The following CDK1 variants were observed in gnomAD, a reference collection of about 807,000 sequenced individuals.
CDK1 encodes the protein cyclin-dependent kinase 1.
CDK1 carries 5 observed loss-of-function variants against 34.6 expected under a neutral mutation model. The observed-to-expected ratio is 0.14, with a 90% CI of 0.08 to 0.30. CDK1 has a LOEUF of 0.30. CDK1 is among the 10% of genes least tolerant of loss of function. The pLI, the probability that CDK1 is intolerant of heterozygous loss-of-function variation, is 1.00. For missense variants in CDK1, 157 were observed against 345.7 expected (o/e 0.45, Z 4.33); for synonymous variants, 108 against 114.7 (o/e 0.94, Z 0.37).
intron 7 of CDK1, among the ~76,000 whole-genome samples, chr10:60,793,226 G>T (rs1259168818): frequency 1.3e-5 from 2 of 152,098 alleles, no homozygotes; most frequent in African/African-American, 2.4e-5. Flanking sequence ...AAAGCAGTTT[G>T]TATGGTGCTG....
At chr10:60,785,189 T>TA (rs1564668105) in intron 3 of CDK1, among the ~76,000 whole-genome samples, 4 of 152,162 alleles carry the variant, frequency 2.6e-5, no homozygotes, top group Non-Finnish European at 5.9e-5. Flanking sequence ...ACCCTTTAGT[T>TA]AGAGTCTTAA....
chr10:60,793,637 A>G (rs2080376768), intron 7 of CDK1, among the ~76,000 whole-genome samples: 2 of 152,190 alleles, frequency 1.3e-5, no homozygotes, highest in South Asian at 4.1e-4. Context: ...ACCGTAATTG[A>G]TAACAAAAAG....
At chr10:60,782,125 C>T (rs1254178781) in intron 2 of CDK1, among the ~76,000 whole-genome samples, 1 of 152,172 alleles carries the variant, frequency 6.6e-6, no homozygotes, top group Non-Finnish European at 1.5e-5. Context: ...TAAAATACTA[C>T]TTTAAAAGTT....
intron 5 of CDK1, among the ~76,000 whole-genome samples, chr10:60,790,128 T>A (rs183128471): frequency 6.6e-6 from 1 of 152,214 alleles, no homozygotes; most frequent in African/African-American, 2.4e-5. Flanking sequence ...TTCTTTGTTG[T>A]ATGAATGATT....
intron 5 of CDK1, among the ~76,000 whole-genome samples, chr10:60,791,673 A>G (rs1308151564): frequency 6.6e-6 from 1 of 152,160 alleles, no homozygotes. Context: ...AAGCAAAAAA[A>G]TATTTATTAT....
chr10:60,791,861 A>G (rs1166541477), intron 5 of CDK1, 29 bp from the exon 6 acceptor site: 3 of 1,388,218 alleles, frequency 2.2e-6, no homozygotes, highest in Non-Finnish European at 3.0e-6. Flanking sequence ...CACCACATTT[A>G]TTCATTGTAA....
At chr10:60,781,130 T>C (rs1323791434) in intron 2 of CDK1, among the ~76,000 whole-genome samples, 1 of 152,148 alleles carries the variant, frequency 6.6e-6, no homozygotes, top group Admixed American at 6.5e-5. Context: ...ATTAAAAATA[T>C]GTGATTAGTA....
chr10:60,785,825 G>C (rs750292377), intron 4 of CDK1, 38 bp downstream of exon 4: 12 of 1,545,868 alleles, frequency 7.8e-6, no homozygotes, highest in South Asian at 3.8e-5. Context: ...TTTATGCACT[G>C]TGGATATAAA....
chr10:60,780,107 G>A, intron 1 of CDK1, 34 bp from the exon 2 acceptor site: 1 of 970,200 alleles, frequency 1.0e-6, no homozygotes, highest in South Asian at 1.3e-5. Context: ...CGAGTTAGTG[G>A]CATGTAATTA....
chr10:60,778,353 C>A (rs1283653151), upstream of CDK1: 1 of 152,354 alleles, frequency 6.6e-6, no homozygotes, highest in Non-Finnish European at 1.5e-5. Context: ...CTCTTTCTTT[C>A]GCGCTCTAGC....
chr10:60,779,771 A>G (rs72811864), intron 1 of CDK1, among the ~76,000 whole-genome samples: 620 of 152,334 alleles, frequency 4.1e-3, no homozygotes, highest in Middle Eastern at 0.01. Context: ...TTGTTGAAAT[A>G]TTTGGGTATA....
In CDK1 at chr10:60,787,106, C is replaced by T. The variant is rs1009275590; in HGVS notation, c.319-954C>T. On this transcript the variant is annotated intron_variant, in intron 4 of 7. Coordinates refer to ENST00000395284, the MANE Select transcript of CDK1 (RefSeq NM_001786.5). ...CAGTTGTTCTAACTGGTTTTATGTA[C>T]AGGCAACAATGGTTTTACTTACAAT... is the stretch of plus-strand genomic sequence containing the variant. 9.2e-6 allele frequency: 9 copies of T among 978,260 alleles called. No homozygotes were observed. In the African/African-American group the frequency reaches 1.4e-4, roughly 15 times the overall value. 60.6% of individuals were successfully genotyped at this position (978,260 alleles called of 1,614,324 possible). A position where few individuals can be genotyped will look rare whatever the true frequency, so the allele number is the denominator to read the frequency against.
At chr10:60,792,082 G>A in intron 6 of CDK1, 29 bp downstream of exon 6, 1 of 1,602,926 alleles carries the variant, frequency 6.2e-7, no homozygotes, top group Non-Finnish European at 8.5e-7. Context: ...GATAATAAAG[G>A]TAACATATAT....
intron 5 of CDK1, among the ~76,000 whole-genome samples, chr10:60,791,622 A>T (rs556152362): frequency 3.4e-4 from 52 of 152,174 alleles, no homozygotes; most frequent in Non-Finnish European, 6.8e-4. Flanking sequence ...AGTGGGGGGA[A>T]GATAAGGCTG....
chr10:60,780,062 T>A (rs1424899775), intron 1 of CDK1, 79 bp from the exon 2 acceptor site: 2 of 730,614 alleles, frequency 2.7e-6, no homozygotes, highest in East Asian at 5.0e-5. Context: ...GGAAAATGCT[T>A]TACATATAGT....
chr10:60,786,469 T>G (rs912746854), intron 4 of CDK1: 1 of 492,458 alleles, frequency 2.0e-6, no homozygotes, highest in African/African-American at 2.1e-5. Context: ...ACTTCCATAT[T>G]GATGAACATT....
At chr10:60,793,347 C>T (rs1023285516) in intron 7 of CDK1, among the ~76,000 whole-genome samples, 2 of 151,862 alleles carry the variant, frequency 1.3e-5, no homozygotes, top group African/African-American at 2.4e-5. Context: ...CAATCCTAAA[C>T]TTTATTTAGC....
At chr10:60,788,652 A>T (rs2080335049) in intron 5 of CDK1, among the ~76,000 whole-genome samples, 1 of 152,088 alleles carries the variant, frequency 6.6e-6, no homozygotes, top group African/African-American at 2.4e-5. Flanking sequence ...AGATTGATTC[A>T]AAGACAGGTT....
chr10:60,780,162 A>G lies in CDK1; in HGVS notation c.-4A>G, dbSNP rs1477928280. 6.5e-7 allele frequency: 1 copy of G among 1,530,212 alleles called. No homozygotes were observed. The highest frequency in any genetic ancestry group is 1.7e-5 in the Admixed American group (1 of 59,854). 94.8% of individuals were successfully genotyped at this position (1,530,212 alleles called of 1,614,324 possible). ...TTAGGATCTACCATACCCATTGACT[A>G]ACTATGGAAGATTATACCAAAATAG... is the stretch of plus-strand genomic sequence containing the variant. On this transcript the variant is annotated 5_prime_UTR_variant, in exon 2 of 8. Transcript: ENST00000395284.
Sources: gnomAD v4.1 joint callset for allele counts (sites outside exome capture counted in the v4.1 genomes callset) on GRCh38, gnomAD v4.1.1 for gene constraint, MANE v1.5 for transcripts, NCBI Gene and HGNC (gene_info 2026-07-23, HGNC 2026-07-21) for gene names.